PCDH9: variants seen among roughly 807,000 people sequenced by gnomAD.
The protein encoded by PCDH9 is protocadherin-9.
A neutral mutation model predicts 70.6 loss-of-function variants in PCDH9; 24 were observed. The ratio of observed to expected loss-of-function variants is 0.34; its 90% CI spans 0.25 to 0.48. PCDH9 has a LOEUF of 0.48. Among genes scored for constraint, PCDH9 ranks in the 20% least tolerant of loss-of-function variants. The pLI, the probability that PCDH9 is intolerant of heterozygous loss-of-function variation, is 0.99. For synonymous variants in PCDH9, 562 were observed against 558.5 expected, an observed-to-expected ratio of 1.01 and a Z score of -0.09; for missense variants, 1,281 against 1,503.6, an observed-to-expected ratio of 0.85 and a Z score of 2.45.
intron 4 of PCDH9, among the ~76,000 whole-genome samples, chr13:66,544,410 G>A (rs917878970): frequency 1.3e-5 from 2 of 152,140 alleles, no homozygotes; most frequent in Non-Finnish European, 2.9e-5. Context: ...CATATGACAC[G>A]TATATATGAA....
At position 66,538,232 on chromosome 13, in the gene PCDH9, C is replaced by A. The variant is rs73513838; in HGVS notation, c.3340+92978G>T. Among the ~76,000 whole-genome samples the A allele has an allele frequency of 5.0e-3, 755 of 152,162 alleles. 5 individuals are homozygous for A. Among genetic ancestry groups the A allele is most frequent in the African/African-American group, 0.017 (710 of 41,524 alleles). On this transcript the variant is annotated intron_variant, in intron 4 of 4. Coordinates refer to ENST00000377865, the MANE Select transcript of PCDH9 (RefSeq NM_203487.3). ...ATGATGCGGTAACAATTAAAACATG[C>A]ACATAGAAAGCAATTAAGACTGGGG...
intron 3 of PCDH9, among the ~76,000 whole-genome samples, chr13:66,781,885 C>A: frequency 1.4e-4 from 1 of 7,406 alleles, no homozygotes; most frequent in South Asian, 0.083. Context: ...ACATCTCGGG[C>A]TCAATCAAAA....
Position 67,225,731 on chromosome 13 carries a change from T to C in PCDH9, c.2710A>G (p.Ile904Val). ...DAVHEPINGT[I>V]SLPAELEEQS... ...TCCTCCAGTTCAGCCGGCAGGCTTA[T>C]TGTCCCATTGATAGGTTCATGAACT... The change falls in exon 2 of 5, where the codon ATA (isoleucine) becomes GTA (valine). Residue 904 changes from isoleucine to valine, a missense_variant. Ile to Val is a conservative substitution (Grantham distance 29). Transcript: ENST00000377865. 1 of 1,614,094 alleles carries C rather than the reference T, an allele frequency of 6.2e-7. No homozygotes were observed. The highest frequency in any genetic ancestry group is 8.5e-7 in the Non-Finnish European group (1 of 1,179,934).
At chr13:67,171,845 C>T (rs1042144640) in intron 2 of PCDH9, among the ~76,000 whole-genome samples, 5 of 152,132 alleles carry the variant, frequency 3.3e-5, no homozygotes, top group African/African-American at 1.2e-4. Flanking sequence ...AAGTTCCTAA[C>T]AGCAGAGCAC....
intron 2 of PCDH9, among the ~76,000 whole-genome samples, chr13:67,152,536 G>A (rs986206175): frequency 9.2e-5 from 14 of 152,040 alleles, no homozygotes; most frequent in African/African-American, 2.7e-4. Flanking sequence ...TCATTAAATC[G>A]AATCCCCTTA....
intron 2 of PCDH9, among the ~76,000 whole-genome samples, chr13:67,028,423 TG>T (rs1281543961): frequency 3.1e-5 from 2 of 65,422 alleles, no homozygotes; most frequent in Non-Finnish European, 5.4e-5. Context: ...TGCTGTGGGG[TG>T]GGGGGAGGGG....
At chr13:66,758,880 T>C (rs2079578079) in intron 3 of PCDH9, among the ~76,000 whole-genome samples, 1 of 152,082 alleles carries the variant, frequency 6.6e-6, no homozygotes, top group African/African-American at 2.4e-5. Flanking sequence ...AATTTATCCA[T>C]TTCTTTTTGC....
chr13:66,851,575 T>TCACACACACACACA lies in PCDH9; in HGVS notation c.3138+51915_3138+51928dup, dbSNP rs59674873. ...TATGTAACACCCACCCGCATCACCC[T>TCACACACACACACA]CACACACACACACACACACACACAC... On this transcript the variant is annotated intron_variant, in intron 3 of 4. Transcript: ENST00000377865. Among the ~76,000 whole-genome samples, 649 of 146,830 alleles carry TCACACACACACACA rather than the reference T, an allele frequency of 4.4e-3. 5 individuals carry two copies. The highest frequency in any genetic ancestry group is 0.015 in the African/African-American group (606 of 40,062).
Position 66,645,023 on chromosome 13 carries a change from C to T in PCDH9, c.3139-13612G>A, listed in dbSNP as rs181480490. 1.1e-3 allele frequency among the ~76,000 whole-genome samples: 172 copies of T among 152,042 alleles called. 1 individual carries two copies. Among genetic ancestry groups the T allele is most frequent in the African/African-American group, 3.9e-3 (161 of 41,494 alleles). On this transcript the variant is annotated intron_variant, in intron 3 of 4. Transcript: ENST00000377865. ...ACCTTTCCTGGAACAGATCATAGAG[C>T]GTACTGTCTGTAGAAGGCATCTTAT...
intron 4 of PCDH9, among the ~76,000 whole-genome samples, chr13:66,475,409 C>G (rs995543025): frequency 3.9e-5 from 6 of 152,060 alleles, no homozygotes; most frequent in Non-Finnish European, 7.4e-5. Context: ...CTATTCAATT[C>G]ATAAACAATA....
intron 2 of PCDH9, among the ~76,000 whole-genome samples, chr13:67,168,375 G>A (rs142596861): frequency 3.3e-3 from 495 of 152,232 alleles, no homozygotes; most frequent in African/African-American, 0.011. Context: ...GAAATATGGA[G>A]AGTGAAATAG....
intron 2 of PCDH9, among the ~76,000 whole-genome samples, chr13:67,012,314 C>T (rs1317984459): frequency 2.0e-5 from 3 of 151,432 alleles, no homozygotes; most frequent in Non-Finnish European, 4.4e-5. Flanking sequence ...ATAATGTGCA[C>T]GTGTGTGTAT....
At chr13:66,809,337 T>G (rs1002033297) in intron 3 of PCDH9, among the ~76,000 whole-genome samples, 1 of 152,222 alleles carries the variant, frequency 6.6e-6, no homozygotes, top group African/African-American at 2.4e-5. Flanking sequence ...TTACCTTTTA[T>G]AGAAAATTTT....
chr13:67,103,592 CTT>C (rs1326114387), intron 2 of PCDH9, among the ~76,000 whole-genome samples: 1 of 152,050 alleles, frequency 6.6e-6, no homozygotes, highest in Non-Finnish European at 1.5e-5. Context: ...AAAGCAAAGA[CTT>C]TTTTCTTTTT....
chr13:66,822,554 T>TCTTG, intron 3 of PCDH9, among the ~76,000 whole-genome samples: 1 of 142,838 alleles, frequency 7.0e-6, no homozygotes, highest in East Asian at 2.1e-4. Flanking sequence ...CTGGAGGGAG[T>TCTTG]CTTGCTCTGT....
chr13:67,088,136 A>G (rs923269428), intron 2 of PCDH9, among the ~76,000 whole-genome samples: 3 of 151,612 alleles, frequency 2.0e-5, no homozygotes, highest in Non-Finnish European at 4.4e-5. Context: ...TTTACTGCCT[A>G]AAGAATAAGA....
intron 2 of PCDH9, among the ~76,000 whole-genome samples, chr13:66,976,930 G>A (rs921681535): frequency 3.3e-5 from 5 of 152,050 alleles, no homozygotes; most frequent in African/African-American, 1.2e-4. Context: ...TCAGGCTTCT[G>A]AAATTTGAAA....
intron 2 of PCDH9, among the ~76,000 whole-genome samples, chr13:67,146,750 A>G (rs937609265): frequency 6.6e-6 from 1 of 152,202 alleles, no homozygotes; most frequent in African/African-American, 2.4e-5. Context: ...GCTTGTGGAT[A>G]ACTGGCAACT....
chr13:66,971,376 G>A (rs956149127), intron 2 of PCDH9, among the ~76,000 whole-genome samples: 1 of 151,922 alleles, frequency 6.6e-6, no homozygotes, highest in Non-Finnish European at 1.5e-5. Context: ...GCAGAATAAT[G>A]TTTACTGATT....
Sources: gnomAD v4.1 joint callset for allele counts (sites outside exome capture counted in the v4.1 genomes callset) on GRCh38, gnomAD v4.1.1 for gene constraint, MANE v1.5 for transcripts, NCBI Gene and HGNC (gene_info 2026-07-23, HGNC 2026-07-21) for gene names.